The following STARD13 variants were observed in gnomAD, a reference collection of about 807,000 sequenced individuals.
STARD13 encodes stAR-related lipid transfer protein 13.
A neutral mutation model predicts 106.4 loss-of-function variants in STARD13; 62 were observed. The observed-to-expected ratio is 0.58, with a 90% CI of 0.48 to 0.72. The LOEUF is 0.72. Ranked by LOEUF, STARD13 falls within the 30% of genes least tolerant of loss-of-function variation. The pLI is 0.00. For missense variants in STARD13, 1,387 were observed against 1,424.0 expected (o/e 0.97, Z 0.42); for synonymous variants, 565 against 553.0 (o/e 1.02, Z -0.31).
downstream of STARD13, among the ~76,000 whole-genome samples, chr13:33,346,510 AGAGT>A (rs1254539354): frequency 3.9e-5 from 6 of 152,244 alleles, no homozygotes; most frequent in Non-Finnish European, 8.8e-5. Context: ...AAGAGAAATA[AGAGT>A]GAGTTAGAAA....
the STARD13 span, among the ~76,000 whole-genome samples, chr13:33,513,786 T>C: frequency 6.6e-6 from 1 of 152,210 alleles, no homozygotes; most frequent in Non-Finnish European, 1.5e-5. Flanking sequence ...CAGATTTTTG[T>C]TCAACTTGCA....
chr13:33,117,692 AGAAAT>A lies in STARD13; in HGVS notation c.2281+368_2281+372del, dbSNP rs369541394. 174 of 926,244 alleles carry A rather than the reference AGAAAT, an allele frequency of 1.9e-4. No homozygotes were observed. The African/African-American group carries it at 3.0e-3, about 16-fold the overall frequency. The allele number at this position is 926,244 out of a possible 1,614,324, so 57.4% of individuals were successfully genotyped here. ...TCACTTTGAATTTCCTATATCCCAAAGAAATGCTTACTTTTTTAAAAAATTGAATA... is the reference window on the plus strand; with the variant it reads ...TCACTTTGAATTTCCTATATCCCAAAGCTTACTTTTTTAAAAAATTGAATA... On this transcript the variant is annotated intron_variant, in intron 8 of 13. Transcript: ENST00000336934.
At chr13:33,650,486 G>A in the STARD13 span, among the ~76,000 whole-genome samples, 10 of 151,936 alleles carry the variant, frequency 6.6e-5, no homozygotes, top group South Asian at 2.1e-4. Flanking sequence ...CACCGCGCCC[G>A]GCCGACTCCA....
chr13:33,209,602 T>C (rs868570624), intron 1 of STARD13, among the ~76,000 whole-genome samples: 4 of 152,210 alleles, frequency 2.6e-5, no homozygotes, highest in South Asian at 4.2e-4. Context: ...CTGCCATCCT[T>C]AAGTGAGGGA....
chr13:33,421,130 A>G, the STARD13 span, among the ~76,000 whole-genome samples: 13 of 152,218 alleles, frequency 8.5e-5, no homozygotes, highest in Non-Finnish European at 1.8e-4. Flanking sequence ...GATAGACACA[A>G]AAAACCTTTC....
At chr13:33,439,607 A>T in the STARD13 span, 22 of 604,216 alleles carry the variant, frequency 3.6e-5, no homozygotes, top group Non-Finnish European at 5.9e-5. Context: ...CACTTATGGC[A>T]TGTTTAAATT....
chr13:33,267,475 C>T (rs1219734373), intron 1 of STARD13, among the ~76,000 whole-genome samples: 1 of 152,182 alleles, frequency 6.6e-6, no homozygotes, highest in Non-Finnish European at 1.5e-5. Flanking sequence ...CGTTCCCGCA[C>T]CTATGACATT....
At chr13:33,524,357 C>G in the STARD13 span, 1 of 993,112 alleles carries the variant, frequency 1.0e-6, no homozygotes, top group Non-Finnish European at 1.3e-6. Flanking sequence ...GGATTACTCT[C>G]CAGGTTTATA....
chr13:33,624,009 T>C, the STARD13 span, among the ~76,000 whole-genome samples: 2 of 152,234 alleles, frequency 1.3e-5, no homozygotes, highest in Non-Finnish European at 1.5e-5. Context: ...TCATATGTTG[T>C]TGAAGAATGT....
intron 1 of STARD13, among the ~76,000 whole-genome samples, chr13:33,222,950 C>T (rs1454926693): frequency 6.6e-6 from 1 of 152,292 alleles, no homozygotes; most frequent in South Asian, 2.1e-4. Flanking sequence ...GGACCACTGG[C>T]CTGTGAAGTG....
chr13:33,135,917 G>A (rs1878992088), intron 4 of STARD13, among the ~76,000 whole-genome samples: 1 of 152,168 alleles, frequency 6.6e-6, no homozygotes, highest in Non-Finnish European at 1.5e-5. Context: ...GAGATCAGAA[G>A]TTTGAGACCA....
At chr13:33,380,315 T>C in the STARD13 span, among the ~76,000 whole-genome samples, 1 of 150,598 alleles carries the variant, frequency 6.6e-6, no homozygotes, top group African/African-American at 2.5e-5. Context: ...CTTGGGAGGC[T>C]GAGGCAGGAG....
chr13:33,404,199 T>C, the STARD13 span, among the ~76,000 whole-genome samples: 1 of 152,314 alleles, frequency 6.6e-6, no homozygotes, highest in East Asian at 1.9e-4. Context: ...AACTATATGG[T>C]ATTACAAAGG....
At chr13:33,518,009 AAACAACAACAAC>A in the STARD13 span, among the ~76,000 whole-genome samples, 3 of 150,346 alleles carry the variant, frequency 2.0e-5, no homozygotes, top group Non-Finnish European at 4.5e-5. Flanking sequence ...TGGCAAAAAC[AAACAACAACAAC>A]AACAACAACA....
At chr13:33,216,770 G>A (rs1316609694) in intron 1 of STARD13, among the ~76,000 whole-genome samples, 5 of 152,134 alleles carry the variant, frequency 3.3e-5, no homozygotes, top group Non-Finnish European at 5.9e-5. Flanking sequence ...GTATAGGAGA[G>A]GCACCTGACA....
the STARD13 span, among the ~76,000 whole-genome samples, chr13:33,543,492 T>A: frequency 2.7e-5 from 4 of 148,542 alleles, no homozygotes; most frequent in African/African-American, 1.0e-4. Flanking sequence ...ATGTTCTTTT[T>A]TTCCTGTAAT....
intron 1 of STARD13, among the ~76,000 whole-genome samples, chr13:33,172,939 C>T (rs1040828991): frequency 1.3e-5 from 2 of 152,048 alleles, no homozygotes; most frequent in African/African-American, 2.4e-5. Flanking sequence ...TTTAAATGTT[C>T]GTTAAAAGTA....
chr13:33,661,691 T>G, the STARD13 span, among the ~76,000 whole-genome samples: 1 of 152,052 alleles, frequency 6.6e-6, no homozygotes, highest in African/African-American at 2.4e-5. Flanking sequence ...TCACTAATTA[T>G]CAAGAGAACA....
intron 1 of STARD13, among the ~76,000 whole-genome samples, chr13:33,170,961 T>C (rs12868760): frequency 0.23 from 34,472 of 152,040 alleles, 4,899 homozygotes; most frequent in South Asian, 0.38. Context: ...CTAATACCAA[T>C]CAGCCAAATA....
Sources: gnomAD v4.1 joint callset for allele counts (sites outside exome capture counted in the v4.1 genomes callset) on GRCh38, gnomAD v4.1.1 for gene constraint, MANE v1.5 for transcripts, NCBI Gene and HGNC (gene_info 2026-07-23, HGNC 2026-07-21) for gene names.